Variants in RBFOX1 observed in about 807,000 individuals in gnomAD.
RBFOX1 encodes the protein RNA binding fox-1 homolog 1, also known as RNA binding protein fox-1 homolog 1.
A neutral mutation model predicts 57.7 loss-of-function variants in RBFOX1; 8 were observed. That is an observed-to-expected ratio of 0.14 (90% confidence interval 0.08 to 0.25). The LOEUF (loss-of-function observed/expected upper bound fraction) is 0.25, where lower values mean the gene tolerates loss of function less well. Ranked by LOEUF, RBFOX1 falls within the 10% of genes least tolerant of loss-of-function variation. RBFOX1 has a pLI of 1.00. For synonymous variants in RBFOX1, 326 were observed against 222.4 expected (o/e 1.47, Z -4.15); for missense variants, 611 against 548.5 (o/e 1.11, Z -1.14).
chr16:6,442,561 AAAAAG>A (rs2094406222), intron 2 of RBFOX1, among the ~76,000 whole-genome samples: 1 of 135,798 alleles, frequency 7.4e-6, no homozygotes, highest in Non-Finnish European at 1.5e-5. Context: ...AAAATAAAAA[AAAAAG>A]AAAAGAAAAA....
intron 14 of RBFOX1, among the ~76,000 whole-genome samples, chr16:7,681,817 C>T (rs2074833969): frequency 6.6e-6 from 1 of 152,036 alleles, no homozygotes; most frequent in Non-Finnish European, 1.5e-5. Flanking sequence ...GGGGCACTTG[C>T]TTTGCTTTCC....
chr16:5,399,933 C>G (rs1006523601), intron 1 of RBFOX1, among the ~76,000 whole-genome samples: 3 of 151,884 alleles, frequency 2.0e-5, no homozygotes, highest in Non-Finnish European at 4.4e-5. Flanking sequence ...AATTCGTGAA[C>G]CCAACAACCC....
intron 4 of RBFOX1, among the ~76,000 whole-genome samples, chr16:7,467,737 C>T (rs1451228329): frequency 1.3e-5 from 2 of 152,186 alleles, no homozygotes; most frequent in Non-Finnish European, 2.9e-5. Context: ...CCTTATCTTC[C>T]CATGGTGCAC....
At chr16:5,670,969 G>A (rs1241072079) in intron 3 of RBFOX1, among the ~76,000 whole-genome samples, 1 of 152,204 alleles carries the variant, frequency 6.6e-6, no homozygotes, top group Non-Finnish European at 1.5e-5. Flanking sequence ...CAGCTGGCAG[G>A]TGGCAGGGAC....
At chr16:7,562,944 C>T (rs936202633) in intron 5 of RBFOX1, among the ~76,000 whole-genome samples, 4 of 152,136 alleles carry the variant, frequency 2.6e-5, no homozygotes, top group South Asian at 2.1e-4. Flanking sequence ...CCAAGTGCCC[C>T]GAGAGCTGTT....
chr16:7,132,063 G>C (rs549064334), intron 4 of RBFOX1, among the ~76,000 whole-genome samples: 1 of 148,186 alleles, frequency 6.7e-6, no homozygotes, highest in Non-Finnish European at 1.5e-5. Context: ...ACAATATCAG[G>C]TCACTGCAAC....
At chr16:5,704,662 G>C (rs546553247) in intron 3 of RBFOX1, among the ~76,000 whole-genome samples, 3 of 152,258 alleles carry the variant, frequency 2.0e-5, no homozygotes, top group African/African-American at 7.2e-5. Flanking sequence ...CCAACTACTT[G>C]GGTTTTTGAC....
chr16:5,835,608 C>T (rs1334050539), intron 3 of RBFOX1, among the ~76,000 whole-genome samples: 2 of 152,222 alleles, frequency 1.3e-5, no homozygotes, highest in Non-Finnish European at 2.9e-5. Flanking sequence ...CTCCCCCAAC[C>T]TCCCCACAGG....
At chr16:5,457,563 T>C (rs986113246) in intron 1 of RBFOX1, among the ~76,000 whole-genome samples, 1 of 152,220 alleles carries the variant, frequency 6.6e-6, no homozygotes, top group Non-Finnish European at 1.5e-5. Context: ...CTGAGGAATT[T>C]TGGGGCCACA....
In RBFOX1 at chr16:5,911,210, C is replaced by T. The variant is rs140654247; in HGVS notation, c.351+43875C>T. Among the ~76,000 whole-genome samples, 1,519 of 152,242 alleles carry T rather than the reference C, an allele frequency of 1.0e-2. 14 individuals are homozygous for T. The highest frequency in any genetic ancestry group is 0.017 in the Non-Finnish European group (1,180 of 68,010). On this transcript the variant is annotated intron_variant, in intron 4 of 19. Coordinates refer to the RBFOX1 transcript ENST00000641259. ...AGCCCATTTGGCTTGCTGGATCCAC[C>T]CTGTTCTCTAGGGCCTCCCACTTGA...
chr16:7,562,330 C>G (rs889834667), intron 5 of RBFOX1, among the ~76,000 whole-genome samples: 2 of 152,010 alleles, frequency 1.3e-5, no homozygotes, highest in South Asian at 2.1e-4. Flanking sequence ...GCCGCCTGTT[C>G]CCTGTAGTTC....
chr16:5,370,960 T>A (rs1220527601), intron 1 of RBFOX1, among the ~76,000 whole-genome samples: 1 of 152,228 alleles, frequency 6.6e-6, no homozygotes, highest in East Asian at 1.9e-4. Context: ...GACCTCAGAA[T>A]GTTTTTTAGA....
At chr16:6,936,519 G>C (rs114621011) in intron 3 of RBFOX1, among the ~76,000 whole-genome samples, 76 of 152,164 alleles carry the variant, frequency 5.0e-4, no homozygotes, top group African/African-American at 1.7e-3. Flanking sequence ...ATCCAGAAAC[G>C]TAAAATGCTC....
At chr16:7,039,814 T>G (rs1465947840) in intron 3 of RBFOX1, among the ~76,000 whole-genome samples, 1 of 152,118 alleles carries the variant, frequency 6.6e-6, no homozygotes, top group Non-Finnish European at 1.5e-5. Flanking sequence ...TAATAAACAT[T>G]ACACATGAGA....
intron 2 of RBFOX1, among the ~76,000 whole-genome samples, chr16:6,602,858 A>T (rs1039076218): frequency 3.3e-5 from 5 of 152,090 alleles, no homozygotes; most frequent in African/African-American, 1.2e-4. Flanking sequence ...CCACCATCAC[A>T]TGCAAATGAA....
At chr16:5,440,228 A>G (rs2068043353) in intron 1 of RBFOX1, among the ~76,000 whole-genome samples, 1 of 152,204 alleles carries the variant, frequency 6.6e-6, no homozygotes, top group Non-Finnish European at 1.5e-5. Context: ...AGCCCTGGTA[A>G]TTCTAGGATC....
At chr16:6,182,009 C>T (rs2097067139) in intron 1 of RBFOX1, among the ~76,000 whole-genome samples, 1 of 152,102 alleles carries the variant, frequency 6.6e-6, no homozygotes, top group African/African-American at 2.4e-5. Context: ...CTGTATTAGC[C>T]AGAGTTCAGT....
chr16:6,811,576 A>T (rs2088596427), intron 3 of RBFOX1, among the ~76,000 whole-genome samples: 1 of 152,200 alleles, frequency 6.6e-6, no homozygotes, highest in South Asian at 2.1e-4. Flanking sequence ...GAAGATTAGC[A>T]ACCTGGGTGC....
rs986269905 is a variant in RBFOX1, at chr16:6,857,490, G to C, written c.-15-194567G>C. 4.7e-4 allele frequency among the ~76,000 whole-genome samples: 72 copies of C among 152,230 alleles called. 1 individual carries two copies. The highest frequency in any genetic ancestry group is 1.7e-3 in the African/African-American group (71 of 41,544). ...TTATTTCACAAGGGTCTGACTCATT[G>C]GGCATAACCAGCACAGTTAAATTTC... On this transcript the variant is annotated intron_variant, in intron 3 of 15. Coordinates refer to ENST00000550418, the MANE Select transcript of RBFOX1 (RefSeq NM_018723.4).
Sources: allele counts gnomAD v4.1 joint callset (sites outside exome capture counted in the v4.1 genomes callset), GRCh38; gene constraint gnomAD v4.1.1; transcripts MANE v1.5; gene names NCBI Gene and HGNC (gene_info 2026-07-23, HGNC 2026-07-21).